Variants in MAK observed in about 807,000 individuals in gnomAD.
The protein encoded by MAK is serine/threonine-protein kinase MAK.
MAK carries 65 observed loss-of-function variants against 82.6 expected under a neutral mutation model. That is an observed-to-expected ratio of 0.79 (90% CI 0.64 to 0.97). The LOEUF is 0.97. MAK is among the 50% of genes least tolerant of loss of function. MAK has a pLI of 0.00. For missense variants in MAK, 703 were observed against 780.2 expected, an observed-to-expected ratio of 0.90 and a Z score of 1.18; for synonymous variants, 250 against 274.2, an observed-to-expected ratio of 0.91 and a Z score of 0.87.
At chr6:10,795,481 G>A (rs1775460432) in intron 9 of MAK, among the ~76,000 whole-genome samples, 1 of 152,016 alleles carries the variant, frequency 6.6e-6, no homozygotes, top group Non-Finnish European at 1.5e-5. Context: ...AGTGGCTCAT[G>A]CCTGTAATCC....
intron 6 of MAK, among the ~76,000 whole-genome samples, chr6:10,806,333 T>TA (rs1378386268): frequency 1.9e-5 from 2 of 106,456 alleles, no homozygotes; most frequent in East Asian, 6.0e-4. Context: ...GCCTGGCTAA[T>TA]TTTTTTTGTT....
chr6:10,772,289 G>A (rs1333679110), intron 13 of MAK, among the ~76,000 whole-genome samples: 1 of 151,008 alleles, frequency 6.6e-6, no homozygotes, highest in African/African-American at 2.4e-5. Flanking sequence ...CAGTAACACT[G>A]AACCCCTAGG....
At chr6:10,765,802 T>C (rs1426126783) in intron 14 of MAK, among the ~76,000 whole-genome samples, 1 of 152,232 alleles carries the variant, frequency 6.6e-6, no homozygotes, top group South Asian at 2.1e-4. Context: ...TCATTTCTCA[T>C]TGGGAAAATC....
At chr6:10,806,843 AAGCGGATGCC>A (rs143018926) in intron 6 of MAK, among the ~76,000 whole-genome samples, 1,656 of 152,216 alleles carry the variant, frequency 0.011, 26 homozygotes, top group African/African-American at 0.036. Context: ...ATCAGAAGCC[AAGCGGATGCC>A]AGTGCCATGC....
At position 10,781,222 on chromosome 6, in the gene MAK, T is replaced by C. The variant is rs116712218; in HGVS notation, c.1465+3202A>G. ...TTTACAGTCTGATTATCAAGAAATA[T>C]GGGCAGATTTCTCATTCTGTGAGTG... On this transcript the variant is annotated intron_variant, in intron 11 of 14. Coordinates refer to ENST00000354489, the MANE Select transcript of MAK (RefSeq NM_001242957.3). Among the ~76,000 whole-genome samples, 641 of 152,268 alleles carry C rather than the reference T, an allele frequency of 4.2e-3. 5 individuals are homozygous for C. The highest frequency in any genetic ancestry group is 0.015 in the African/African-American group (615 of 41,544).
At chr6:10,785,383 T>G (rs12209821) in intron 10 of MAK, among the ~76,000 whole-genome samples, 5 of 152,210 alleles carry the variant, frequency 3.3e-5, no homozygotes, top group Non-Finnish European at 7.3e-5. Context: ...ACCCTCCGAC[T>G]GGGCTCCTTC....
chr6:10,816,743 A>G (rs897967716), intron 4 of MAK, among the ~76,000 whole-genome samples: 1 of 152,182 alleles, frequency 6.6e-6, no homozygotes, highest in Admixed American at 6.5e-5. Context: ...AATAATTACC[A>G]ACCTATTTTC....
chr6:10,785,734 T>C (rs1200777263), intron 10 of MAK, among the ~76,000 whole-genome samples: 1 of 152,214 alleles, frequency 6.6e-6, no homozygotes, highest in African/African-American at 2.4e-5. Context: ...TCTCTGCCCA[T>C]AGACAGAACT....
At chr6:10,837,005 C>T (rs548294839) in intron 1 of MAK, among the ~76,000 whole-genome samples, 4 of 152,320 alleles carry the variant, frequency 2.6e-5, no homozygotes, top group Non-Finnish European at 5.9e-5. Flanking sequence ...TTACTCTCAA[C>T]AGCTTTTGCC....
chr6:10,799,581 C>A (rs1775851481), intron 8 of MAK, among the ~76,000 whole-genome samples: 1 of 152,054 alleles, frequency 6.6e-6, no homozygotes, highest in South Asian at 2.1e-4. Flanking sequence ...CATAGTAAGA[C>A]CCCATCTTTA....
intron 14 of MAK, among the ~76,000 whole-genome samples, chr6:10,769,310 A>G (rs1318448006): frequency 2.6e-5 from 4 of 152,260 alleles, no homozygotes; most frequent in African/African-American, 9.6e-5. Context: ...GTGCTTCACT[A>G]AGAATATCTA....
intron 11 of MAK, 50 bp downstream of exon 11, chr6:10,784,374 G>T: frequency 1.3e-6 from 2 of 1,598,306 alleles, no homozygotes; most frequent in South Asian, 2.2e-5. Flanking sequence ...ACTTGAACCT[G>T]ACCTATCTAT....
chr6:10,791,702 T>C lies in MAK; in HGVS notation c.1289A>G (p.Glu430Gly). The C allele has an allele frequency of 6.2e-7, 1 of 1,614,040 alleles. No individual in the cohort carries two copies. Among genetic ancestry groups the C allele is most frequent in the Non-Finnish European group, 8.5e-7 (1 of 1,179,994 alleles). The change falls in exon 10 of 15, where the codon GAA (glutamate) becomes GGA (glycine). Residue 430 changes from glutamate to glycine, a missense_variant. Coordinates refer to ENST00000354489, the MANE Select transcript of MAK (RefSeq NM_001242957.3). Reference sequence around the variant, plus strand: ...AAATGGAGAATCTTTTTTCCTTTTTTCTTTAAAAACACCCATGCTTGGCTT... The same window carrying C: ...AAATGGAGAATCTTTTTTCCTTTTTCCTTTAAAAACACCCATGCTTGGCTT... ...SKKPSMGVFK[E>G]KRKKDSPFRL... is the part of the protein sequence containing the mutation.
chr6:10,775,327 C>T lies in MAK; in HGVS notation c.1597+1G>A. 6.2e-7 allele frequency: 1 copy of T among 1,613,006 alleles called. No individual in the cohort carries two copies. The highest frequency in any genetic ancestry group is 8.5e-7 in the Non-Finnish European group (1 of 1,179,300). ...ATGTACATTTTGTATTCTTGCGTTA[C>T]CTGCATTGCTCCTTTTGAAAGCAAG... On this transcript the variant is annotated splice_donor_variant, in intron 12 of 14. Transcript: ENST00000354489. LOFTEE classifies it high-confidence loss of function.
intron 11 of MAK, among the ~76,000 whole-genome samples, chr6:10,783,778 T>C (rs1359674432): frequency 1.3e-5 from 2 of 152,204 alleles, no homozygotes; most frequent in Non-Finnish European, 2.9e-5. Flanking sequence ...CTCAGCACTT[T>C]GGGAGGCCAA....
intron 4 of MAK, 113 bp from the exon 5 acceptor site, chr6:10,813,836 A>G (rs908179452): frequency 3.5e-5 from 26 of 741,530 alleles, no homozygotes; most frequent in Non-Finnish European, 6.5e-5. Flanking sequence ...ATACTGGTTA[A>G]ACCTATGATT....
At chr6:10,795,699 G>A (rs1207466201) in intron 9 of MAK, among the ~76,000 whole-genome samples, 1 of 152,054 alleles carries the variant, frequency 6.6e-6, no homozygotes, top group Admixed American at 6.6e-5. Context: ...AGCTAAGGTC[G>A]TGCCACTGCA....
intron 9 of MAK, among the ~76,000 whole-genome samples, chr6:10,795,223 G>A (rs1775426304): frequency 6.6e-6 from 1 of 152,028 alleles, no homozygotes; most frequent in Non-Finnish European, 1.5e-5. Context: ...AGGCCGAGAT[G>A]GGTGGATCAT....
intron 11 of MAK, among the ~76,000 whole-genome samples, chr6:10,782,020 A>G (rs2127528363): frequency 6.6e-6 from 1 of 152,248 alleles, no homozygotes; most frequent in South Asian, 2.1e-4. Flanking sequence ...AACCTGGCCA[A>G]CATGGTGAAA....
Sources: allele counts gnomAD v4.1 joint callset (sites outside exome capture counted in the v4.1 genomes callset), GRCh38; gene constraint gnomAD v4.1.1; transcripts MANE v1.5; gene names NCBI Gene and HGNC (gene_info 2026-07-23, HGNC 2026-07-21).